The following SIRT1 variants were observed in gnomAD, a reference collection of about 807,000 sequenced individuals.
SIRT1 encodes sirtuin 1.
A neutral mutation model predicts 67.9 loss-of-function variants in SIRT1; 24 were observed. The ratio of observed to expected loss-of-function variants is 0.35; its 90% CI spans 0.26 to 0.50. The LOEUF (loss-of-function observed/expected upper bound fraction) is 0.50. Among genes scored for constraint, SIRT1 ranks in the 20% least tolerant of loss-of-function variants. The pLI is 0.98. For missense variants in SIRT1, 873 were observed against 937.2 expected (o/e 0.93, Z 0.89); for synonymous variants, 378 against 350.7 (o/e 1.08, Z -0.87).
At chr10:67,885,277 G>A (rs1842458086) in intron 1 of SIRT1, 126 bp downstream of exon 1, 1 of 995,606 alleles carries the variant, frequency 1.0e-6, no homozygotes. Context: ...TCCCCACCCC[G>A]GCCCTCCGTT....
At position 67,887,521 on chromosome 10, in the gene SIRT1, A is replaced by G. The variant is rs200805107; in HGVS notation, c.535A>G (p.Arg179Gly). ...SHASSSDWTPRPRIGPYTFVQ... is the reference protein window; with the variant it reads ...SHASSSDWTPGPRIGPYTFVQ... ...TGCAAGCTCTAGTGACTGGACTCCA[A>G]GGCCACGGATAGGTATGGCTCAGAG... Residue 179 changes from arginine (R) to glycine (G), a missense_variant, in exon 2 of 9, where the codon AGG becomes GGG. Arg to Gly is a moderately radical substitution (Grantham distance 125). Coordinates refer to ENST00000212015, the MANE Select transcript of SIRT1 (RefSeq NM_012238.5). 2.0e-5 allele frequency: 32 copies of G among 1,606,568 alleles called. No homozygotes were observed. The African/African-American group carries it at 4.1e-4, about 21-fold the overall frequency.
At chr10:67,898,199 C>T (rs1842688254) in intron 4 of SIRT1, among the ~76,000 whole-genome samples, 1 of 141,078 alleles carries the variant, frequency 7.1e-6, no homozygotes, top group African/African-American at 2.7e-5. Context: ...GCGGAGGTTG[C>T]AGTGAGCTGA....
chr10:67,908,386 A>G (rs562040010), intron 6 of SIRT1, among the ~76,000 whole-genome samples: 31 of 152,298 alleles, frequency 2.0e-4, no homozygotes, highest in Non-Finnish European at 3.2e-4. Flanking sequence ...ATCATAAGCA[A>G]GTTGTTGTTG....
chr10:67,903,486 G>A (rs1589078578), intron 4 of SIRT1, among the ~76,000 whole-genome samples: 1 of 151,086 alleles, frequency 6.6e-6, no homozygotes, highest in African/African-American at 2.4e-5. Flanking sequence ...CTGGGTTCAC[G>A]CCATTCTCCT....
chr10:67,884,910 G>A lies in SIRT1; in HGVS notation c.189G>A (p.Ala63=). ...GAAPEREVPA[A]ARGCPGAAAA... ...CCCCAGAGCGTGAGGTGCCGGCGGCGGCCAGGGGCTGCCCGGGTGCGGCGG... is the reference window on the plus strand; with the variant it reads ...CCCCAGAGCGTGAGGTGCCGGCGGCAGCCAGGGGCTGCCCGGGTGCGGCGG... Residue 63 remains alanine (A), a synonymous_variant, in exon 1 of 9, where the codon GCG becomes GCA. Transcript: ENST00000212015. 1.6e-6 allele frequency: 2 copies of A among 1,224,878 alleles called. No individual in the cohort carries two copies. Among genetic ancestry groups the A allele is most frequent in the South Asian group, 4.1e-5 (1 of 24,458 alleles). 75.9% of individuals were successfully genotyped at this position (1,224,878 alleles called of 1,614,324 possible). A position where few individuals can be genotyped will look rare whatever the true frequency, so the allele number is the denominator to read the frequency against.
chr10:67,904,621 G>T (rs894662418), intron 4 of SIRT1, among the ~76,000 whole-genome samples: 3 of 152,040 alleles, frequency 2.0e-5, no homozygotes, highest in African/African-American at 4.8e-5. Context: ...CAAGGTGGGC[G>T]GATCACCTGA....
intron 7 of SIRT1, among the ~76,000 whole-genome samples, chr10:67,911,572 A>C (rs970437188): frequency 1.3e-5 from 2 of 152,108 alleles, no homozygotes; most frequent in Non-Finnish European, 2.9e-5. Flanking sequence ...AAACAGGTTT[A>C]TAATAGCGTA....
intron 8 of SIRT1, among the ~76,000 whole-genome samples, chr10:67,914,348 G>A (rs533984242): frequency 3.9e-5 from 6 of 152,072 alleles, no homozygotes; most frequent in Non-Finnish European, 7.4e-5. Context: ...GGAATTACAG[G>A]CGTGAGCCAC....
At chr10:67,888,795 C>G (rs921391017) in intron 2 of SIRT1, 87 bp from the exon 3 acceptor site, 4 of 1,449,688 alleles carry the variant, frequency 2.8e-6, no homozygotes, top group African/African-American at 2.8e-5. Context: ...AAAACCCTCA[C>G]AGAATGCTAA....
chr10:67,886,105 G>T (rs1220935816), intron 1 of SIRT1, among the ~76,000 whole-genome samples: 3 of 151,794 alleles, frequency 2.0e-5, no homozygotes, highest in Non-Finnish European at 4.4e-5. Flanking sequence ...ACCACGCCCA[G>T]CTAATTTTTG....
At chr10:67,906,228 T>A in intron 4 of SIRT1, 1 of 1,520,320 alleles carries the variant, frequency 6.6e-7, no homozygotes, top group Non-Finnish European at 8.8e-7. Context: ...AACTCAGCAT[T>A]CATGAGCAAC....
In SIRT1 at chr10:67,900,149, A is replaced by G. The variant is rs1253605964; in HGVS notation, c.943-6641A>G. Among the ~76,000 whole-genome samples, 3 of 152,128 alleles carry G rather than the reference A, an allele frequency of 2.0e-5. No homozygotes were observed. In the East Asian group the frequency reaches 5.8e-4, roughly 29 times the overall value. ...CAGCACCCAGCTTTATTTTTTATTTATTTATTTATTTTTTGAGACAGAGTC... is the reference window on the plus strand; with the variant it reads ...CAGCACCCAGCTTTATTTTTTATTTGTTTATTTATTTTTTGAGACAGAGTC... On this transcript the variant is annotated intron_variant, in intron 4 of 8. Transcript: ENST00000212015.
chr10:67,901,191 C>T (rs568035538), intron 4 of SIRT1, among the ~76,000 whole-genome samples: 18 of 151,770 alleles, frequency 1.2e-4, no homozygotes, highest in African/African-American at 3.9e-4. Context: ...TAGTCTTGCT[C>T]TGACACCCAG....
chr10:67,907,700 G>A (rs1288407008), intron 5 of SIRT1, among the ~76,000 whole-genome samples: 1 of 152,120 alleles, frequency 6.6e-6, no homozygotes, highest in African/African-American at 2.4e-5. Context: ...TAAGGTAATA[G>A]AGTTGGAACT....
rs200058231 is a variant in SIRT1 at position 67,906,904 on chromosome 10, G to T, written c.1057G>T (p.Val353Phe). The T allele has an allele frequency of 6.2e-7, 1 of 1,608,702 alleles. No homozygotes were observed. Residue 353 changes from valine to phenylalanine, a missense_variant, in exon 5 of 9, where the codon GTT becomes TTT. Around this residue, in one of 3 missense-constraint regions of SIRT1, gnomAD observed 251 missense variants for 358.8 expected, o/e 0.70. Coordinates refer to ENST00000212015, the MANE Select transcript of SIRT1 (RefSeq NM_012238.5). The part of the protein sequence containing the change: ...YTQNIDTLEQ[V>F]AGIQRIIQCH... ...CCAGAACATAGACACGCTGGAACAG[G>T]TTGCGGGAATCCAAAGGATAATTCA...
At chr10:67,900,536 T>G (rs1372570652) in intron 4 of SIRT1, among the ~76,000 whole-genome samples, 1 of 152,136 alleles carries the variant, frequency 6.6e-6, no homozygotes, top group Non-Finnish European at 1.5e-5. Context: ...CCTCCAACTC[T>G]TGGGCTCAAA....
chr10:67,887,374 C>A, intron 1 of SIRT1, 43 bp from the exon 2 acceptor site: 1 of 1,202,530 alleles, frequency 8.3e-7, no homozygotes. Flanking sequence ...ATTTTAGGTG[C>A]ATGTTGTTTT....
intron 3 of SIRT1, 21 bp from the exon 4 acceptor site, chr10:67,891,381 A>G (rs777532119): frequency 6.2e-7 from 1 of 1,611,384 alleles, no homozygotes; most frequent in East Asian, 2.2e-5. Flanking sequence ...AATTTTACAA[A>G]TTATGCCATG....
Position 67,884,812 on chromosome 10 carries a change from G to C in SIRT1, c.91G>C (p.Glu31Gln). 1 of 1,225,466 alleles carries C rather than the reference G, an allele frequency of 8.2e-7. No individual in the cohort carries two copies. The allele number at this position is 1,225,466 out of a possible 1,614,324, so 75.9% of individuals were successfully genotyped here. A position where few individuals can be genotyped will look rare whatever the true frequency, so the allele number is the denominator to read the frequency against. ...GGAGGCCGCGTCGTCCCCCGCCGGG[G>C]AGCCGCTCCGCAAGAGGCCGCGGAG... is the stretch of plus-strand genomic sequence containing the variant. ...DREAASSPAG[E>Q]PLRKRPRRDG... is the part of the protein sequence containing the mutation. The change falls in exon 1 of 9, where the codon GAG becomes CAG. Residue 31 changes from glutamate to glutamine, a missense_variant. By Grantham distance (29) the Glu-to-Gln change is conservative (BLOSUM62 2). Transcript: ENST00000212015.
Sources: gnomAD v4.1 joint callset for allele counts (sites outside exome capture counted in the v4.1 genomes callset) on GRCh38, gnomAD v4.1.1 for gene constraint, gnomAD v4.1.1 regional missense constraint, MANE v1.5 for transcripts, NCBI Gene and HGNC (gene_info 2026-07-23, HGNC 2026-07-21) for gene names.